Variants in AGFG1 observed in about 807,000 individuals in gnomAD.
AGFG1 encodes arf-GAP domain and FG repeat-containing protein 1.
Under a neutral mutation model 60.6 loss-of-function variants are expected in AGFG1, and 10 were observed. The ratio of observed to expected loss-of-function variants is 0.16; its 90% confidence interval spans 0.10 to 0.28. AGFG1 has a LOEUF of 0.28. AGFG1 is among the 10% of genes least tolerant of loss of function. AGFG1 has a pLI of 1.00. For missense variants in AGFG1, 537 were observed against 676.5 expected (o/e 0.79, Z 2.29); for synonymous variants, 247 against 242.9 (o/e 1.02, Z -0.16).
chr2:227,472,847 A>C, intron 1 of AGFG1, among the ~76,000 whole-genome samples: 1 of 132,336 alleles, frequency 7.6e-6, no homozygotes, highest in Admixed American at 7.7e-5. Flanking sequence ...CGTGGGTGGG[A>C]CGTGGGCGGG....
chr2:227,530,030 T>C (rs1692112803), intron 5 of AGFG1, among the ~76,000 whole-genome samples: 1 of 152,162 alleles, frequency 6.6e-6, no homozygotes, highest in Non-Finnish European at 1.5e-5. Context: ...TGAGGGCTGC[T>C]AGTTTGCGTC....
intron 10 of AGFG1, among the ~76,000 whole-genome samples, chr2:227,550,819 A>C (rs538732584): frequency 2.0e-5 from 3 of 152,302 alleles, no homozygotes; most frequent in East Asian, 3.8e-4. Flanking sequence ...TCAATGAACA[A>C]ATTGGTAAAT....
chr2:227,503,420 G>A (rs561527703), intron 2 of AGFG1, among the ~76,000 whole-genome samples: 1 of 152,266 alleles, frequency 6.6e-6, no homozygotes, highest in South Asian at 2.1e-4. Flanking sequence ...TTTAAAGATT[G>A]CGTTAGATAT....
intron 1 of AGFG1, among the ~76,000 whole-genome samples, chr2:227,482,320 G>T (rs558003617): frequency 2.0e-5 from 3 of 152,104 alleles, no homozygotes; most frequent in Non-Finnish European, 4.4e-5. Flanking sequence ...TTTATATCAT[G>T]CTTATTATTA....
chr2:227,496,358 C>T (rs1474636055), intron 2 of AGFG1, among the ~76,000 whole-genome samples: 1 of 150,906 alleles, frequency 6.6e-6, no homozygotes, highest in Non-Finnish European at 1.5e-5. Context: ...GGGAGAATGG[C>T]GTGAACCTGG....
rs2106199755 is a variant in AGFG1 at position 227,515,726 on chromosome 2, C to T, written c.262-4222C>T. 2.6e-5 allele frequency among the ~76,000 whole-genome samples: 4 copies of T among 152,222 alleles called. 1 individual carries two copies. In the South Asian group the frequency reaches 8.3e-4, roughly 32 times the overall value. On this transcript the variant is annotated intron_variant, in intron 2 of 12. Transcript: ENST00000310078. ...TGATGGCCACAAGTCTTCAGTGCTTCCTAGTTAGTTCATTCTCTCCCTTTT... is the reference window on the plus strand; with the variant it reads ...TGATGGCCACAAGTCTTCAGTGCTTTCTAGTTAGTTCATTCTCTCCCTTTT...
chr2:227,551,511 A>AT (rs1692820009), intron 10 of AGFG1, among the ~76,000 whole-genome samples: 1 of 152,012 alleles, frequency 6.6e-6, no homozygotes, highest in Non-Finnish European at 1.5e-5. Context: ...AGCGGTTTAA[A>AT]ATTTTTTTTT....
At chr2:227,473,007 C>A (rs903403845) in intron 1 of AGFG1, among the ~76,000 whole-genome samples, 7 of 148,764 alleles carry the variant, frequency 4.7e-5, no homozygotes, top group Admixed American at 1.3e-4. Context: ...CCATGCGGGT[C>A]CTTTGTGTGC....
intron 3 of AGFG1, among the ~76,000 whole-genome samples, chr2:227,522,478 CAGTGAACACTT>C (rs1453463411): frequency 1.3e-5 from 2 of 152,192 alleles, no homozygotes; most frequent in African/African-American, 4.8e-5. Context: ...AGTTTAGTGA[CAGTGAACACTT>C]AGTTAACACG....
intron 10 of AGFG1, among the ~76,000 whole-genome samples, chr2:227,543,854 A>G (rs1266012858): frequency 6.6e-6 from 1 of 151,506 alleles, no homozygotes; most frequent in Non-Finnish European, 1.5e-5. Context: ...TTGGGTGCAT[A>G]TATATTTAGG....
At chr2:227,534,563 T>C (rs993883363) in intron 7 of AGFG1, among the ~76,000 whole-genome samples, 1 of 152,222 alleles carries the variant, frequency 6.6e-6, no homozygotes, top group African/African-American at 2.4e-5. Flanking sequence ...GATGTTAACG[T>C]AAGAGCACTT....
intron 1 of AGFG1, among the ~76,000 whole-genome samples, chr2:227,477,948 T>C (rs973220106): frequency 6.6e-6 from 1 of 152,108 alleles, no homozygotes; most frequent in Non-Finnish European, 1.5e-5. Flanking sequence ...AATGTTTGTT[T>C]TATGGCTGTG....
In AGFG1 at chr2:227,560,965, T is replaced by C. The variant is rs1693120712; in HGVS notation, c.*6470T>C. The C allele has an allele frequency of 6.6e-6, 1 of 152,164 alleles. No homozygotes were observed. Among genetic ancestry groups the C allele is most frequent in the Non-Finnish European group, 1.5e-5 (1 of 68,000 alleles). 9.4% of individuals were successfully genotyped at this position (152,164 alleles called of 1,614,324 possible). A position where few individuals can be genotyped will look rare whatever the true frequency, so the allele number is the denominator to read the frequency against. ...GGGAACAAGGAAACTTACTGGGAAG[T>C]TCAAAAGAAAGAATAACAGGACCTT... is the stretch of plus-strand genomic sequence containing the variant. On this transcript the variant is annotated 3_prime_UTR_variant, in exon 13 of 13. Coordinates refer to ENST00000310078, the MANE Select transcript of AGFG1 (RefSeq NM_004504.5).
At chr2:227,497,760 T>TTTTTTTGGGGGACGGAGTCTTACTCTG (rs1691026859) in intron 2 of AGFG1, among the ~76,000 whole-genome samples, 1 of 68,014 alleles carries the variant, frequency 1.5e-5, no homozygotes, top group Non-Finnish European at 3.3e-5. Context: ...TTTTTTTTTT[T>TTTTTTTGGGGGACGGAGTCTTACTCTG]TGGGGACGGA....
chr2:227,472,947 C>T lies in AGFG1; in HGVS notation c.167+359C>T, dbSNP rs1218123764. Among the ~76,000 whole-genome samples, 6 of 125,978 alleles carry T rather than the reference C, an allele frequency of 4.8e-5. No individual in the cohort carries two copies. The South Asian group carries it at 1.6e-3, about 34-fold the overall frequency. 82.6% of individuals were successfully genotyped at this position (125,978 alleles called of 152,430 possible). ...GCCCTCGCTCTCCAGCTACCCGGGG[C>T]GCCGGGCTGTGGGGGGTGGGGGAAG... On this transcript the variant is annotated intron_variant, in intron 1 of 12. Transcript: ENST00000310078.
chr2:227,497,808 A>G (rs1691029914), intron 2 of AGFG1, among the ~76,000 whole-genome samples: 1 of 123,918 alleles, frequency 8.1e-6, no homozygotes, highest in African/African-American at 3.1e-5. Flanking sequence ...GCAGTGGTGC[A>G]ATCTTGGCTC....
chr2:227,516,490 G>A (rs541155787), intron 2 of AGFG1, among the ~76,000 whole-genome samples: 2 of 152,176 alleles, frequency 1.3e-5, no homozygotes, highest in African/African-American at 4.8e-5. Context: ...GAGGGACTTT[G>A]ACAGTGAGAC....
intron 6 of AGFG1, 123 bp downstream of exon 6, chr2:227,531,333 CTT>C (rs1692152376): frequency 8.6e-7 from 1 of 1,160,704 alleles, no homozygotes; most frequent in Non-Finnish European, 1.2e-6. Context: ...ATGGTTCTAT[CTT>C]CAAAAGCTCT....
At chr2:227,498,937 A>G (rs1170060288) in intron 2 of AGFG1, among the ~76,000 whole-genome samples, 1 of 152,200 alleles carries the variant, frequency 6.6e-6, no homozygotes, top group African/African-American at 2.4e-5. Context: ...GACTCGAATT[A>G]AAACAATATA....
Sources: gnomAD v4.1 joint callset for allele counts (sites outside exome capture counted in the v4.1 genomes callset) on GRCh38, gnomAD v4.1.1 for gene constraint, MANE v1.5 for transcripts, NCBI Gene and HGNC (gene_info 2026-07-23, HGNC 2026-07-21) for gene names.